The following ANKRD44 variants were observed in gnomAD, a reference collection of about 807,000 sequenced individuals.
The protein encoded by ANKRD44 is serine/threonine-protein phosphatase 6 regulatory ankyrin repeat subunit B.
ANKRD44 carries 35 observed loss-of-function variants against 116.0 expected under a neutral mutation model. The ratio of observed to expected loss-of-function variants is 0.30; its 90% CI spans 0.23 to 0.40. ANKRD44 has a LOEUF of 0.40. Ranked by LOEUF, ANKRD44 falls within the 10% of genes least tolerant of loss-of-function variation. The pLI is 1.00. For synonymous variants in ANKRD44, 435 were observed against 461.8 expected, an observed-to-expected ratio of 0.94 and a Z score of 0.74; for missense variants, 1,014 against 1,242.6, an observed-to-expected ratio of 0.82 and a Z score of 2.77.
intron 16 of ANKRD44, among the ~76,000 whole-genome samples, chr2:197,045,201 T>C (rs2076980566): frequency 6.6e-6 from 1 of 152,084 alleles, no homozygotes; most frequent in Non-Finnish European, 1.5e-5. Flanking sequence ...AGACAGGAGC[T>C]CTTCTTTTTA....
chr2:197,218,692 G>GA (rs1333724842), intron 1 of ANKRD44, among the ~76,000 whole-genome samples: 4 of 145,240 alleles, frequency 2.8e-5, no homozygotes, highest in East Asian at 2.0e-4. Context: ...AAGGGATAGA[G>GA]AAAAAAACAC....
At chr2:197,147,745 A>G in intron 2 of ANKRD44, 1 of 342,978 alleles carries the variant, frequency 2.9e-6, no homozygotes, top group Non-Finnish European at 5.8e-6. Flanking sequence ...ACTAGACAAT[A>G]GTATACTAGA....
chr2:197,217,756 T>A (rs940097122), intron 1 of ANKRD44, among the ~76,000 whole-genome samples: 1 of 152,220 alleles, frequency 6.6e-6, no homozygotes, highest in Non-Finnish European at 1.5e-5. Flanking sequence ...ATTTAACAAC[T>A]GTGGGATCCA....
At chr2:197,264,500 A>T (rs1417225832) in intron 1 of ANKRD44, among the ~76,000 whole-genome samples, 1 of 152,222 alleles carries the variant, frequency 6.6e-6, no homozygotes, top group Non-Finnish European at 1.5e-5. Flanking sequence ...GTTTGATGAT[A>T]GCATCAACGT....
At chr2:197,162,086 C>T (rs950325327) in intron 2 of ANKRD44, among the ~76,000 whole-genome samples, 22 of 152,304 alleles carry the variant, frequency 1.4e-4, no homozygotes, top group Admixed American at 2.6e-4. Context: ...CCCAGAAGAC[C>T]CCATTACTAT....
At chr2:197,168,624 C>T (rs1325217799) in intron 2 of ANKRD44, among the ~76,000 whole-genome samples, 2 of 152,174 alleles carry the variant, frequency 1.3e-5, no homozygotes, top group African/African-American at 2.4e-5. Flanking sequence ...GCTCCTTCTC[C>T]TCCTCTAGCT....
At chr2:197,307,506 AGTTT>A (rs1347707211) in intron 1 of ANKRD44, among the ~76,000 whole-genome samples, 6 of 145,610 alleles carry the variant, frequency 4.1e-5, no homozygotes, top group South Asian at 2.2e-4. Flanking sequence ...CTAAATGCCA[AGTTT>A]GTTTGTTTGT....
At chr2:197,182,798 C>T (rs930918336) in intron 2 of ANKRD44, among the ~76,000 whole-genome samples, 7 of 152,160 alleles carry the variant, frequency 4.6e-5, no homozygotes, top group Non-Finnish European at 8.8e-5. Flanking sequence ...AAAAAATCTG[C>T]ATATAAGTGA....
At chr2:197,107,004 T>C (rs2078447939) in intron 9 of ANKRD44, among the ~76,000 whole-genome samples, 1 of 152,142 alleles carries the variant, frequency 6.6e-6, no homozygotes, top group African/African-American at 2.4e-5. Flanking sequence ...GAAATCTCTT[T>C]ACCGTTTGTC....
At chr2:197,110,683 G>A (rs944185189) in intron 9 of ANKRD44, 83 bp downstream of exon 9, 53 of 1,120,758 alleles carry the variant, frequency 4.7e-5, no homozygotes, top group Non-Finnish European at 6.7e-5. Flanking sequence ...ACAGGGCATC[G>A]ACTTTCATAT....
At chr2:196,967,460 T>C (rs1387488305) in intron 21 of ANKRD44, 1 of 465,232 alleles carries the variant, frequency 2.1e-6, no homozygotes, top group South Asian at 1.6e-5. Context: ...AGTTGCCATT[T>C]AAAAAAAGAA....
At chr2:196,998,776 G>A in intron 24 of ANKRD44, 131 bp downstream of exon 24, 2 of 1,266,686 alleles carry the variant, frequency 1.6e-6, no homozygotes, top group Non-Finnish European at 2.2e-6. Flanking sequence ...GGTAGAATCA[G>A]GTGACTTAAG....
intron 8 of ANKRD44, 60 bp downstream of exon 8, chr2:197,121,271 AT>A: frequency 1.3e-6 from 2 of 1,495,312 alleles, no homozygotes; most frequent in East Asian, 2.3e-5. Context: ...GCAGCAGTTG[AT>A]TTTGCTCAAA....
intron 22 of ANKRD44, 80 bp downstream of exon 22, chr2:197,001,669 GACTT>G (rs2125899978): frequency 1.0e-6 from 1 of 967,414 alleles, no homozygotes; most frequent in South Asian, 1.8e-5. Context: ...TAATCTAAAA[GACTT>G]TTTTCCCTAC....
chr2:197,054,603 T>A (rs902182251), intron 16 of ANKRD44, among the ~76,000 whole-genome samples: 1 of 152,200 alleles, frequency 6.6e-6, no homozygotes, highest in Admixed American at 6.5e-5. Flanking sequence ...AAGTGAGAAA[T>A]AACTTATGCT....
intron 1 of ANKRD44, among the ~76,000 whole-genome samples, chr2:197,233,253 C>A (rs2081907652): frequency 6.6e-6 from 1 of 152,162 alleles, no homozygotes; most frequent in Non-Finnish European, 1.5e-5. Context: ...TGTCTTACTT[C>A]CCCATCACTC....
chr2:196,967,240 T>G (rs903398108), exon 22 of ANKRD44: 1 of 251,426 alleles, frequency 4.0e-6, no homozygotes, highest in Admixed American at 4.2e-5. Context: ...TTGTTCCCAG[T>G]TGGAAAATAA....
chr2:197,121,491 A>G lies in ANKRD44; in HGVS notation c.747T>C (p.Asn249=), dbSNP rs150662931. 8.1e-6 allele frequency: 13 copies of G among 1,614,082 alleles called. No homozygotes were observed. Among genetic ancestry groups the G allele is most frequent in the African/African-American group, 2.7e-5 (2 of 74,916 alleles). ...GNTALHIACY[N]GQDAVVNELI... is the part of the protein sequence containing the mutation. Reference sequence around the variant, plus strand: ...ACTCGTTAACCACAGCATCCTGTCCATTGTAGCAGGCGATGTGAAGCGCTG... The same window carrying G: ...ACTCGTTAACCACAGCATCCTGTCCGTTGTAGCAGGCGATGTGAAGCGCTG... Residue 249 remains asparagine (N), a synonymous_variant, in exon 8 of 28, where the codon AAT becomes AAC. Coordinates refer to ENST00000282272, the MANE Select transcript of ANKRD44 (RefSeq NM_001195144.2).
intron 4 of ANKRD44, among the ~76,000 whole-genome samples, chr2:197,127,817 C>G (rs533861222): frequency 3.9e-5 from 6 of 152,248 alleles, no homozygotes; most frequent in Non-Finnish European, 8.8e-5. Flanking sequence ...GGTGCTCTCC[C>G]TCCCTTCTCC....
Sources: gnomAD v4.1 joint callset for allele counts (sites outside exome capture counted in the v4.1 genomes callset) on GRCh38, gnomAD v4.1.1 for gene constraint, MANE v1.5 for transcripts, NCBI Gene and HGNC (gene_info 2026-07-23, HGNC 2026-07-21) for gene names.